Variants in PCDHGB1 observed in about 807,000 individuals in gnomAD.
The protein encoded by PCDHGB1 is protocadherin gamma subfamily B, 1.
PCDHGB1 carries 34 observed loss-of-function variants against 56.6 expected under a neutral mutation model. The ratio of observed to expected loss-of-function variants is 0.60; its 90% CI spans 0.46 to 0.80. The LOEUF is 0.80. PCDHGB1 is among the 30% of genes least tolerant of loss of function. The pLI is 0.00. For missense variants in PCDHGB1, 1,278 were observed against 1,204.6 expected, an observed-to-expected ratio of 1.06 and a Z score of -0.90; for synonymous variants, 561 against 505.9, an observed-to-expected ratio of 1.11 and a Z score of -1.46.
At position 141,352,325 on chromosome 5, in the gene PCDHGB1, G is replaced by C; in HGVS notation, c.2065G>C (p.Val689Leu). The C allele has an allele frequency of 6.2e-7, 1 of 1,614,080 alleles. No homozygotes were observed. The highest frequency in any genetic ancestry group is 8.5e-7 in the Non-Finnish European group (1 of 1,179,906). ...CCAGACGGAACTGCAGTTTTACCTG[G>C]TTGTGGCCTTGGCCTTGATCTCAGT... ...DPQTELQFYLVVALALISVLF... is the reference protein window; with the variant it reads ...DPQTELQFYLLVALALISVLF... The change falls in exon 1 of 4, where the codon GTT (valine) becomes CTT (leucine). Residue 689 changes from valine (V) to leucine (L), a missense_variant. Coordinates refer to ENST00000523390, the MANE Select transcript of PCDHGB1 (RefSeq NM_018922.3).
chr5:141,431,976 C>T lies in PCDHGB1; in HGVS notation c.2410-62831C>T, dbSNP rs2097433306. ...TACGGAAATTACTATAGTTTAGTCACAGACATAGTCTTGGATAGGGAACAG... is the reference window on the plus strand; with the variant it reads ...TACGGAAATTACTATAGTTTAGTCATAGACATAGTCTTGGATAGGGAACAG... On this transcript the variant is annotated intron_variant, in intron 1 of 3. Transcript: ENST00000523390. This position sits in a 1 kb window ranked among gnomAD's most constrained non-coding sequence, Gnocchi z 4.8. 6.2e-7 allele frequency: 1 copy of T among 1,614,078 alleles called. No individual in the cohort carries two copies. The highest frequency in any genetic ancestry group is 1.3e-5 in the African/African-American group (1 of 74,934).
intron 1 of PCDHGB1, chr5:141,417,894 G>A (rs751319373): frequency 1.3e-5 from 21 of 1,573,688 alleles, no homozygotes; most frequent in African/African-American, 2.7e-5. Context: ...CGCCGGGCCG[G>A]CCCGCGGCAG....
intron 1 of PCDHGB1, chr5:141,356,848 C>G: frequency 6.2e-7 from 1 of 1,614,198 alleles, no homozygotes; most frequent in Non-Finnish European, 8.5e-7. Context: ...GTCACTGAGC[C>G]TCTTTGTGCT....
chr5:141,461,138 C>T (rs1416058747), intron 1 of PCDHGB1, among the ~76,000 whole-genome samples: 1 of 151,942 alleles, frequency 6.6e-6, no homozygotes, highest in East Asian at 1.9e-4. Flanking sequence ...ACTTATTTTC[C>T]TTTGGGTAGA....
At position 141,421,233 on chromosome 5, in the gene PCDHGB1, G is replaced by A. The variant is rs201076931; in HGVS notation, c.2409+68564G>A. Reference sequence around the variant, plus strand: ...ATATCGGCTTAGAGCCTGCCATGGCGAATCGGCTACAGCGCGGGGACCGCA... The same window carrying A: ...ATATCGGCTTAGAGCCTGCCATGGCAAATCGGCTACAGCGCGGGGACCGCA... On this transcript the variant is annotated intron_variant, in intron 1 of 3. Coordinates refer to ENST00000523390, the MANE Select transcript of PCDHGB1 (RefSeq NM_018922.3). 1.4e-3 allele frequency: 2,185 copies of A among 1,592,236 alleles called. 58 individuals are homozygous for A. In the South Asian group the frequency reaches 0.024, roughly 17 times the overall value.
At chr5:141,474,148 A>G (rs773360112) in intron 1 of PCDHGB1, among the ~76,000 whole-genome samples, 4 of 152,244 alleles carry the variant, frequency 2.6e-5, no homozygotes, top group Non-Finnish European at 5.9e-5. Context: ...CTTATTATCA[A>G]GAAAATGACA....
chr5:141,491,612 G>A lies in PCDHGB1; in HGVS notation c.2410-3195G>A, dbSNP rs759955730. ...GACGGCAGTGACTTCACTTTTCTAAGACCCCTCAGCGTTCAGCAGCCCACA... is the reference window on the plus strand; with the variant it reads ...GACGGCAGTGACTTCACTTTTCTAAAACCCCTCAGCGTTCAGCAGCCCACA... On this transcript the variant is annotated intron_variant, in intron 1 of 3. Coordinates refer to ENST00000523390, the MANE Select transcript of PCDHGB1 (RefSeq NM_018922.3). The surrounding 1 kb of genome is among the most constrained non-coding windows in gnomAD (Gnocchi z 6.9). 6.2e-7 allele frequency: 1 copy of A among 1,613,906 alleles called. No individual in the cohort carries two copies. The highest frequency in any genetic ancestry group is 8.5e-7 in the Non-Finnish European group (1 of 1,180,026).
At chr5:141,481,913 CAAAA>C (rs34114744) in intron 1 of PCDHGB1, among the ~76,000 whole-genome samples, 1 of 90,848 alleles carries the variant, frequency 1.1e-5, no homozygotes, top group Non-Finnish European at 2.2e-5. Context: ...AACTCCATCT[CAAAA>C]AAAAAAAAAA....
At chr5:141,507,810 G>C (rs550331241) in intron 3 of PCDHGB1, among the ~76,000 whole-genome samples, 5 of 152,172 alleles carry the variant, frequency 3.3e-5, no homozygotes, top group Non-Finnish European at 2.9e-5. Context: ...CCTGGGGAAC[G>C]GACCCTGGGG....
chr5:141,352,113 G>C lies in PCDHGB1; in HGVS notation c.1853G>C (p.Arg618Pro), dbSNP rs1758920100. 1.2e-6 allele frequency: 2 copies of C among 1,607,616 alleles called. No individual in the cohort carries two copies. Among genetic ancestry groups the C allele is most frequent in the Non-Finnish European group, 1.7e-6 (2 of 1,177,868 alleles). ...CCCGGGCTCTTCAGCCTGGGGTTGC[G>C]CACGGGTGAGGTGCGCACAGCGCGT... ...SEPGLFSLGLRTGEVRTARAL... is the reference protein window; with the variant it reads ...SEPGLFSLGLPTGEVRTARAL... Residue 618 changes from arginine (R) to proline (P), a missense_variant, in exon 1 of 4, where the codon CGC (arginine) becomes CCC (proline). By Grantham distance (103) the Arg-to-Pro change is moderately radical. Coordinates refer to ENST00000523390, the MANE Select transcript of PCDHGB1 (RefSeq NM_018922.3).
chr5:141,410,502 T>C, intron 1 of PCDHGB1: 2 of 1,614,018 alleles, frequency 1.2e-6, no homozygotes, highest in Non-Finnish European at 1.7e-6. Context: ...TTTAATTTCC[T>C]AAAATGCAGT....
chr5:141,402,871 A>G, intron 1 of PCDHGB1: 1 of 1,452,626 alleles, frequency 6.9e-7, no homozygotes, highest in Non-Finnish European at 9.1e-7. Context: ...AAAGATCACC[A>G]TACTTTGCAG....
chr5:141,398,408 A>G (rs2093653088), intron 1 of PCDHGB1: 1 of 1,473,232 alleles, frequency 6.8e-7, no homozygotes, highest in African/African-American at 1.4e-5. Flanking sequence ...GACAGGGAGG[A>G]GATATGCGGG....
intron 1 of PCDHGB1, among the ~76,000 whole-genome samples, chr5:141,483,630 G>A (rs2099583876): frequency 6.7e-6 from 1 of 149,714 alleles, no homozygotes; most frequent in African/African-American, 2.5e-5. Flanking sequence ...ATGGGAGAAG[G>A]TATAGAGGGG....
Position 141,485,298 on chromosome 5 carries a change from G to A in PCDHGB1, c.2410-9509G>A, listed in dbSNP as rs1562104502. 1 of 1,613,978 alleles carries A rather than the reference G, an allele frequency of 6.2e-7. No individual in the cohort carries two copies. On this transcript the variant is annotated intron_variant, in intron 1 of 3. Coordinates refer to ENST00000523390, the MANE Select transcript of PCDHGB1 (RefSeq NM_018922.3). This position sits in a 1 kb window ranked among gnomAD's most constrained non-coding sequence, Gnocchi z 5.7. ...CCGGTCCCAGAGGAGTCACAGGAAG[G>A]GACTTTTGTAGGGAATGTCGCTCAA...
rs371821042 is a variant in PCDHGB1, at chr5:141,421,764, T to C, written c.2409+69095T>C. The C allele has an allele frequency of 8.7e-6, 14 of 1,613,782 alleles. No individual in the cohort carries two copies. The African/African-American group carries it at 1.5e-4, about 17-fold the overall frequency. ...ACCAGCTCAGCCCTAATAATTACTT[T>C]TCCTTGCAACTGCGGGGCAGAACGG... On this transcript the variant is annotated intron_variant, in intron 1 of 3. Transcript: ENST00000523390.
At position 141,489,335 on chromosome 5, in the gene PCDHGB1, G is replaced by C. The variant is rs138015049; in HGVS notation, c.2410-5472G>C. 1.4e-5 allele frequency: 22 copies of C among 1,607,364 alleles called. No individual in the cohort carries two copies. Among genetic ancestry groups the C allele is most frequent in the Non-Finnish European group, 1.9e-5 (22 of 1,175,842 alleles). The stretch of plus-strand genomic sequence containing the variant: ...TGGGGCTGGGTGTCTGGGCAGCTTC[G>C]TTACTCAGTGGTGGAGGAGTCTGAG... On this transcript the variant is annotated intron_variant, in intron 1 of 3. Transcript: ENST00000523390. This position sits in a 1 kb window ranked among gnomAD's most constrained non-coding sequence, Gnocchi z 4.5.
chr5:141,485,735 G>C lies in PCDHGB1; in HGVS notation c.2410-9072G>C, dbSNP rs1562107417. ...ACTGGATGTGAAGAAGCGCAGCGAC[G>C]GCAGCCTGGTCCCAGAGCTGCTCCT... is the stretch of plus-strand genomic sequence containing the variant. On this transcript the variant is annotated intron_variant, in intron 1 of 3. Coordinates refer to ENST00000523390, the MANE Select transcript of PCDHGB1 (RefSeq NM_018922.3). This position sits in a 1 kb window ranked among gnomAD's most constrained non-coding sequence, Gnocchi z 5.7. 2.5e-6 allele frequency: 4 copies of C among 1,614,048 alleles called. No individual in the cohort carries two copies. The highest frequency in any genetic ancestry group is 3.4e-6 in the Non-Finnish European group (4 of 1,180,044).
chr5:141,361,358 G>A, intron 1 of PCDHGB1: 1 of 1,613,958 alleles, frequency 6.2e-7, no homozygotes, highest in South Asian at 1.1e-5. Flanking sequence ...GTGACAGACG[G>A]CGCTCTGGAC....
Sources: allele counts gnomAD v4.1 joint callset (sites outside exome capture counted in the v4.1 genomes callset), GRCh38; gene constraint gnomAD v4.1.1; non-coding constraint Gnocchi (gnomAD v3.1); transcripts MANE v1.5; gene names NCBI Gene and HGNC (gene_info 2026-07-23, HGNC 2026-07-21).